The following SLC9A1 variants were observed in gnomAD, a reference collection of about 807,000 sequenced individuals.
SLC9A1 encodes sodium/hydrogen exchanger 1.
In SLC9A1, 22 loss-of-function variants were observed where a neutral mutation model predicts 67.9. The ratio of observed to expected loss-of-function variants is 0.32; its 90% CI spans 0.23 to 0.46. The LOEUF (loss-of-function observed/expected upper bound fraction) is 0.46, where lower values mean the gene tolerates loss of function less well. SLC9A1 is among the 20% of genes least tolerant of loss of function. The probability of loss-of-function intolerance (pLI) is 1.00; values close to 1 mark genes in which losing one functional copy is unlikely to be tolerated. For synonymous variants in SLC9A1, 421 were observed against 471.8 expected (o/e 0.89, Z 1.40); for missense variants, 686 against 1,094.8 (o/e 0.63, Z 5.27).
intron 1 of SLC9A1, among the ~76,000 whole-genome samples, chr1:27,134,696 C>T (rs950415912): frequency 6.6e-6 from 1 of 152,152 alleles, no homozygotes; most frequent in Non-Finnish European, 1.5e-5. Context: ...TTCAAAAGAT[C>T]CGATTTAATT....
At position 27,114,514 on chromosome 1, in the gene SLC9A1, A is replaced by T. The variant is rs552355705; in HGVS notation, c.353-228T>A. Reference sequence around the variant, plus strand: ...TCATAAACCAAGTGACAGTGTTTTTAAAGCACTTTTTTCAAAGGATATATA... The same window carrying T: ...TCATAAACCAAGTGACAGTGTTTTTTAAGCACTTTTTTCAAAGGATATATA... On this transcript the variant is annotated intron_variant, in intron 1 of 11. Transcript: ENST00000263980. This position sits in a 1 kb window ranked among gnomAD's most constrained non-coding sequence, Gnocchi z 5.4. Among the ~76,000 whole-genome samples the T allele has an allele frequency of 1.2e-4, 19 of 152,296 alleles. No individual in the cohort carries two copies. Among genetic ancestry groups the T allele is most frequent in the Non-Finnish European group, 2.4e-4 (16 of 68,030 alleles).
chr1:27,100,745 GCA>G lies in SLC9A1; in HGVS notation c.2111-103_2111-102del. 1 of 938,036 alleles carries G rather than the reference GCA, an allele frequency of 1.1e-6. No individual in the cohort carries two copies. Among genetic ancestry groups the G allele is most frequent in the East Asian group, 2.4e-5 (1 of 41,466 alleles). 58.1% of individuals were successfully genotyped at this position (938,036 alleles called of 1,614,324 possible). A position where few individuals can be genotyped will look rare whatever the true frequency, so the allele number is the denominator to read the frequency against. ...GTGCCTCCTTCAGGCCTTCTCATGA[GCA>G]CAGCCGTCCCGGTCCCAACAGGCCT... On this transcript the variant is annotated intron_variant, in intron 11 of 11. Transcript: ENST00000263980. The surrounding 1 kb of genome is among the most constrained non-coding windows in gnomAD (Gnocchi z 5.6).
chr1:27,154,093 T>A lies in SLC9A1; in HGVS notation c.242A>T (p.His81Leu). 2 of 1,613,980 alleles carry A rather than the reference T, an allele frequency of 1.2e-6. No individual in the cohort carries two copies. The highest frequency in any genetic ancestry group is 2.2e-5 in the South Asian group (2 of 91,060). The change falls in exon 1 of 12, where the codon CAT becomes CTT. Residue 81 changes from histidine (H) to leucine (L), a missense_variant. By Grantham distance (99) the His-to-Leu change is moderately conservative (BLOSUM62 -3). Transcript: ENST00000263980. Reference protein sequence around the residue: ...SRPVNHSVTDHGMKPRKAFPV... With the variant: ...SRPVNHSVTDLGMKPRKAFPV... Reference sequence around the variant, plus strand: ...AAAGGCCTTGCGCGGCTTCATGCCATGATCAGTGACGGAATGATTAACAGG... The same window carrying A: ...AAAGGCCTTGCGCGGCTTCATGCCAAGATCAGTGACGGAATGATTAACAGG...
rs35231148 is a variant in SLC9A1, at chr1:27,119,042, A to AACACACACAC, written c.353-4766_353-4757dup. Among the ~76,000 whole-genome samples the AACACACACAC allele has an allele frequency of 1.1e-3, 154 of 139,438 alleles. 3 individuals carry two copies. The highest frequency in any genetic ancestry group is 4.7e-3 in the Admixed American group (65 of 13,938). 91.5% of individuals were successfully genotyped at this position (139,438 alleles called of 152,430 possible). On this transcript the variant is annotated intron_variant, in intron 1 of 11. Coordinates refer to ENST00000263980, the MANE Select transcript of SLC9A1 (RefSeq NM_003047.5). The stretch of plus-strand genomic sequence containing the variant: ...TCTAGTGTAGGTGGTAGCTGGAACG[A>AACACACACAC]ACACACACACACACACACACACACA...
chr1:27,134,815 C>T (rs987008912), intron 1 of SLC9A1, among the ~76,000 whole-genome samples: 2 of 152,224 alleles, frequency 1.3e-5, no homozygotes, highest in Non-Finnish European at 2.9e-5. Context: ...CGGCTCACTG[C>T]AACCTCTGCC....
Position 27,114,315 on chromosome 1 carries a change from T to A in SLC9A1, c.353-29A>T. On this transcript the variant is annotated intron_variant, in intron 1 of 11. Coordinates refer to ENST00000263980, the MANE Select transcript of SLC9A1 (RefSeq NM_003047.5). The surrounding 1 kb of genome is among the most constrained non-coding windows in gnomAD (Gnocchi z 5.4). ...CGGAGGGCGAGAGAACGGGAGGCCATGGGCTTTCGGAGGAGCCAGGAGAAT... is the reference window on the plus strand; with the variant it reads ...CGGAGGGCGAGAGAACGGGAGGCCAAGGGCTTTCGGAGGAGCCAGGAGAAT... The A allele has an allele frequency of 6.3e-7, 1 of 1,576,680 alleles. No individual in the cohort carries two copies. The highest frequency in any genetic ancestry group is 1.1e-5 in the South Asian group (1 of 87,628).
Position 27,102,919 on chromosome 1 carries a change from T to G in SLC9A1, c.1576-176A>C, listed in dbSNP as rs1055663052. On this transcript the variant is annotated intron_variant, in intron 6 of 11. Transcript: ENST00000263980. ...ACTCATCGAACCCAGCGGCCCTGAC[T>G]CTGGGTATCTCGAAGCCTTGCCTGT... 21 of 641,818 alleles carry G rather than the reference T, an allele frequency of 3.3e-5. 1 individual carries two copies. Among genetic ancestry groups the G allele is most frequent in the Middle Eastern group, 4.2e-4 (1 of 2,398 alleles). The allele number at this position is 641,818 out of a possible 1,614,324, so 39.8% of individuals were successfully genotyped here. A position where few individuals can be genotyped will look rare whatever the true frequency, so the allele number is the denominator to read the frequency against.
intron 1 of SLC9A1, among the ~76,000 whole-genome samples, chr1:27,124,554 G>A (rs928580733): frequency 1.3e-5 from 2 of 152,234 alleles, no homozygotes; most frequent in African/African-American, 4.8e-5. Context: ...GCAAGTCACA[G>A]TGTCCTATTT....
At chr1:27,152,313 G>A (rs2124221515) in intron 1 of SLC9A1, among the ~76,000 whole-genome samples, 1 of 152,346 alleles carries the variant, frequency 6.6e-6, no homozygotes, top group South Asian at 2.1e-4. Flanking sequence ...GACACTCAAA[G>A]TGTGTCTGCC....
intron 2 of SLC9A1, among the ~76,000 whole-genome samples, chr1:27,112,231 T>A (rs1254569292): frequency 6.6e-6 from 1 of 152,178 alleles, no homozygotes; most frequent in Non-Finnish European, 1.5e-5. Context: ...GGTCAGGCTA[T>A]TCTACCCAGC....
intron 1 of SLC9A1, among the ~76,000 whole-genome samples, chr1:27,145,088 A>G (rs566089618): frequency 6.6e-4 from 101 of 151,982 alleles, no homozygotes; most frequent in African/African-American, 2.3e-3. Context: ...AAAAAAAAAA[A>G]AAGAAAGTGA....
At position 27,100,655 on chromosome 1, in the gene SLC9A1, A is replaced by C. The variant is rs1438976887; in HGVS notation, c.2111-11T>G. On this transcript the variant is annotated splice_polypyrimidine_tract_variant and intron_variant, in intron 11 of 11. Transcript: ENST00000263980. This position sits in a 1 kb window ranked among gnomAD's most constrained non-coding sequence, Gnocchi z 5.6. ...CATAGGCCAGTGGGTCTGGGGACCA[A>C]GAGCAAGGCACAAGCTGGGTTCCGC... is the stretch of plus-strand genomic sequence containing the variant. The C allele has an allele frequency of 6.3e-7, 1 of 1,589,934 alleles. No homozygotes were observed. The highest frequency in any genetic ancestry group is 2.2e-5 in the East Asian group (1 of 44,740).
Position 27,114,107 on chromosome 1 carries a change from G to A in SLC9A1, c.532C>T (p.Pro178Ser), listed in dbSNP as rs1274527138. 1 of 1,614,050 alleles carries A rather than the reference G, an allele frequency of 6.2e-7. No individual in the cohort carries two copies. The highest frequency in any genetic ancestry group is 8.5e-7 in the Non-Finnish European group (1 of 1,180,042). The change falls in exon 2 of 12, where the codon CCA becomes TCA. Residue 178 changes from proline to serine, a missense_variant. Pro to Ser is a moderately conservative substitution (Grantham distance 74, BLOSUM62 -1). Around this residue, in one of 7 missense-constraint regions of SLC9A1, gnomAD observed 29 missense variants for 71.9 expected, o/e 0.40. Transcript: ENST00000263980. This position sits in a 1 kb window ranked among gnomAD's most constrained non-coding sequence, Gnocchi z 5.4. ...AGGTTTTCTGTGAACTGCCGCAGTG[G>A]CAGGAAGTAGCCCGCATCCAGGATG... ...PIILDAGYFL[P>S]LRQFTENLGT...
At chr1:27,145,367 A>G (rs186095769) in intron 1 of SLC9A1, among the ~76,000 whole-genome samples, 1 of 152,316 alleles carries the variant, frequency 6.6e-6, no homozygotes, top group Non-Finnish European at 1.5e-5. Flanking sequence ...TGATGGCCAT[A>G]TGCTAAATGC....
At position 27,109,235 on chromosome 1, in the gene SLC9A1, G is replaced by A. The variant is rs1173380217; in HGVS notation, c.1064+292C>T. On this transcript the variant is annotated intron_variant, in intron 3 of 11. Transcript: ENST00000263980. This position sits in a 1 kb window ranked among gnomAD's most constrained non-coding sequence, Gnocchi z 5.5. ...AAGGCTCTGCTCTCCTATACCCTGG[G>A]CTTGCCTTCATGCAGGTCATTCTTG... 6.6e-6 allele frequency among the ~76,000 whole-genome samples: 1 copy of A among 152,110 alleles called. No individual in the cohort carries two copies. The highest frequency in any genetic ancestry group is 2.4e-5 in the African/African-American group (1 of 41,418).
chr1:27,129,593 C>T (rs1347659976), intron 1 of SLC9A1, among the ~76,000 whole-genome samples: 1 of 152,100 alleles, frequency 6.6e-6, no homozygotes, highest in South Asian at 2.1e-4. Flanking sequence ...AGAGGGAGGG[C>T]CCTCTGAGAC....
In SLC9A1 at chr1:27,145,527, T is replaced by C. The variant is rs564622153; in HGVS notation, c.352+8456A>G. On this transcript the variant is annotated intron_variant, in intron 1 of 11. Transcript: ENST00000263980. ...TGCAAGTGTTAGCTATTTATTGGTT[T>C]AGTGAACTTGTGGGCTCTAACACAC... Among the ~76,000 whole-genome samples, 3 of 152,368 alleles carry C rather than the reference T, an allele frequency of 2.0e-5. No homozygotes were observed. In the South Asian group the frequency reaches 6.2e-4, roughly 32 times the overall value.
intron 1 of SLC9A1, among the ~76,000 whole-genome samples, chr1:27,128,339 C>G (rs1004708144): frequency 2.6e-5 from 4 of 152,094 alleles, no homozygotes; most frequent in Admixed American, 2.6e-4. Flanking sequence ...GAGACAGAAA[C>G]ACTCAGAAAA....
chr1:27,101,982 A>G lies in SLC9A1; in HGVS notation c.1935+34T>C, dbSNP rs759942796. ...TAGAGAGGGGCTGAAGGGCTCCTGT[A>G]CCCTGGGGGTCGGGCTGGGGAGCAG... On this transcript the variant is annotated intron_variant, in intron 9 of 11. Coordinates refer to ENST00000263980, the MANE Select transcript of SLC9A1 (RefSeq NM_003047.5). The surrounding 1 kb of genome is among the most constrained non-coding windows in gnomAD (Gnocchi z 4.9). The G allele has an allele frequency of 1.9e-6, 3 of 1,544,764 alleles. No homozygotes were observed. The highest frequency in any genetic ancestry group is 2.7e-6 in the Non-Finnish European group (3 of 1,118,134).
Sources: gnomAD v4.1 joint callset for allele counts (sites outside exome capture counted in the v4.1 genomes callset) on GRCh38, gnomAD v4.1.1 for gene constraint, gnomAD v4.1.1 regional missense constraint, Gnocchi (gnomAD v3.1) non-coding constraint, MANE v1.5 for transcripts, NCBI Gene and HGNC (gene_info 2026-07-23, HGNC 2026-07-21) for gene names.